COPS3: variants seen among roughly 807,000 people sequenced by gnomAD.
COPS3 encodes COP9 signalosome complex subunit 3.
A neutral mutation model predicts 58.2 loss-of-function variants in COPS3; 10 were observed. The observed-to-expected ratio is 0.17, with a 90% CI of 0.11 to 0.29. COPS3 has a LOEUF of 0.29. COPS3 is among the 10% of genes least tolerant of loss of function. The pLI, the probability that COPS3 is intolerant of heterozygous loss-of-function variation, is 1.00. For missense variants in COPS3, 333 were observed against 510.1 expected (o/e 0.65, Z 3.34); for synonymous variants, 187 against 181.7 (o/e 1.03, Z -0.24).
intron 2 of COPS3, among the ~76,000 whole-genome samples, chr17:17,273,203 GAGA>G (rs1192188990): frequency 2.6e-5 from 4 of 152,212 alleles, no homozygotes; most frequent in Non-Finnish European, 4.4e-5. Flanking sequence ...GCAGAGTTTA[GAGA>G]AGAAGCTTTG....
At chr17:17,263,241 T>A (rs2048144412) in intron 6 of COPS3, among the ~76,000 whole-genome samples, 1 of 146,520 alleles carries the variant, frequency 6.8e-6, no homozygotes, top group Non-Finnish European at 1.5e-5. Context: ...TGAGCCGAGA[T>A]CGTGCCACTG....
At chr17:17,280,724 A>C in intron 1 of COPS3, 1 of 1,251,384 alleles carries the variant, frequency 8.0e-7, no homozygotes, top group Non-Finnish European at 1.0e-6. Context: ...CCGGCGGCCT[A>C]GTCAGCAAGC....
intron 6 of COPS3, 128 bp from the exon 7 acceptor site, chr17:17,262,234 CTTA>C (rs1025477890): frequency 2.4e-6 from 2 of 840,858 alleles, no homozygotes; most frequent in African/African-American, 3.5e-5. Context: ...TTATAACAGC[CTTA>C]TTGAGATAGA....
At chr17:17,247,659 T>A (rs2047753280) in intron 10 of COPS3, 99 bp from the exon 11 acceptor site, 1 of 1,193,750 alleles carries the variant, frequency 8.4e-7, no homozygotes, top group Admixed American at 1.9e-5. Context: ...AGGTTCACAA[T>A]CTCTTGATGT....
At chr17:17,259,315 G>C (rs1370971459) in intron 8 of COPS3, among the ~76,000 whole-genome samples, 1 of 152,098 alleles carries the variant, frequency 6.6e-6, no homozygotes, top group Non-Finnish European at 1.5e-5. Context: ...TCTATTTGTT[G>C]AGCTACAGGA....
intron 7 of COPS3, among the ~76,000 whole-genome samples, chr17:17,261,322 C>G (rs1289843365): frequency 2.0e-5 from 3 of 151,572 alleles, no homozygotes; most frequent in Non-Finnish European, 4.4e-5. Flanking sequence ...GTCAAGAGAT[C>G]GAGACAATCC....
intron 1 of COPS3, chr17:17,280,496 G>A (rs1378072171): frequency 1.8e-6 from 2 of 1,128,946 alleles, no homozygotes; most frequent in South Asian, 1.6e-5. Flanking sequence ...GGAGGCTGAG[G>A]TTGCAGTGAG....
chr17:17,263,778 T>C (rs2048163438), intron 6 of COPS3, among the ~76,000 whole-genome samples: 1 of 152,082 alleles, frequency 6.6e-6, no homozygotes, highest in Admixed American at 6.6e-5. Context: ...CCTCCCAAAG[T>C]GCTGGGATTA....
chr17:17,280,620 G>A (rs1483523265), intron 1 of COPS3: 3 of 1,303,180 alleles, frequency 2.3e-6, no homozygotes, highest in Admixed American at 2.3e-5. Context: ...TAGGCGCACA[G>A]GTTCCCGAGC....
rs750054179 is a variant in COPS3, at chr17:17,262,045, A to G, written c.683T>C (p.Ile228Thr). Residue 228 changes from isoleucine to threonine, a missense_variant, in exon 7 of 12, where the codon ATT (isoleucine) becomes ACT (threonine). Physicochemically the swap from Ile to Thr is moderately conservative, Grantham distance 89. Coordinates refer to ENST00000268717, the MANE Select transcript of COPS3 (RefSeq NM_003653.4). ...GCCAAGTAATATCAAAGACACTAAA[A>G]TATACTTTTTATATGATTCCAACAT... is the stretch of plus-strand genomic sequence containing the variant. ...HIMLESYKKY[I>T]LVSLILLGKV... 1.3e-5 allele frequency: 21 copies of G among 1,611,152 alleles called. No individual in the cohort carries two copies. Among genetic ancestry groups the G allele is most frequent in the Non-Finnish European group, 8.5e-7 (1 of 1,178,336 alleles).
At chr17:17,265,642 G>A (rs1447605490) in intron 5 of COPS3, among the ~76,000 whole-genome samples, 2 of 151,994 alleles carry the variant, frequency 1.3e-5, no homozygotes, top group Admixed American at 6.6e-5. Flanking sequence ...CAAGTGATCC[G>A]TCCACCTTGG....
chr17:17,256,498 C>A (rs978912777), intron 8 of COPS3, among the ~76,000 whole-genome samples: 1 of 152,116 alleles, frequency 6.6e-6, no homozygotes, highest in Admixed American at 6.6e-5. Context: ...ATGAAAATGA[C>A]CCCTTTCAGA....
intron 1 of COPS3, among the ~76,000 whole-genome samples, chr17:17,277,593 G>T (rs1490895501): frequency 6.6e-6 from 1 of 151,488 alleles, no homozygotes; most frequent in Non-Finnish European, 1.5e-5. Flanking sequence ...TATTTTTTAA[G>T]TTTTTTGCAG....
chr17:17,257,103 C>T (rs140223185), intron 8 of COPS3, among the ~76,000 whole-genome samples: 378 of 152,310 alleles, frequency 2.5e-3, no homozygotes, highest in African/African-American at 8.0e-3. Context: ...GTGGCTCACA[C>T]CTGTCATCTT....
chr17:17,248,588 A>G (rs1436929652), intron 10 of COPS3, among the ~76,000 whole-genome samples: 2 of 152,126 alleles, frequency 1.3e-5, no homozygotes, highest in Non-Finnish European at 2.9e-5. Context: ...AAGTGTTGGG[A>G]TTACAGGCAT....
At chr17:17,269,763 A>G (rs1279534799) in intron 4 of COPS3, among the ~76,000 whole-genome samples, 3 of 152,214 alleles carry the variant, frequency 2.0e-5, no homozygotes, top group Non-Finnish European at 4.4e-5. Flanking sequence ...TATATAGTAC[A>G]CTGTCCAAAC....
chr17:17,270,654 G>T, intron 4 of COPS3, 104 bp downstream of exon 4: 1 of 993,912 alleles, frequency 1.0e-6, no homozygotes. Context: ...AGATATCTAG[G>T]TGGTGGATGC....
At chr17:17,254,687 TGTAGTCCCAGCTCTCG>T (rs1482289077) in intron 9 of COPS3, among the ~76,000 whole-genome samples, 156 bp downstream of exon 9, 1 of 151,738 alleles carries the variant, frequency 6.6e-6, no homozygotes, top group Non-Finnish European at 1.5e-5. Context: ...GGCGCATGCC[TGTAGTCCCAGCTCTCG>T]GGAGGCTGAG....
At chr17:17,269,191 G>A (rs767766815) in intron 4 of COPS3, among the ~76,000 whole-genome samples, 6 of 152,094 alleles carry the variant, frequency 3.9e-5, no homozygotes, top group Admixed American at 6.6e-5. Context: ...CTGGGAGGCC[G>A]AGGCAGGCGG....
Sources: allele counts gnomAD v4.1 joint callset (sites outside exome capture counted in the v4.1 genomes callset), GRCh38; gene constraint gnomAD v4.1.1; transcripts MANE v1.5; gene names NCBI Gene and HGNC (gene_info 2026-07-23, HGNC 2026-07-21).